Variants in IGSF3 observed in about 807,000 individuals in gnomAD.
IGSF3 encodes the protein immunoglobulin superfamily member 3.
A neutral mutation model predicts 114.4 loss-of-function variants in IGSF3; 23 were observed. That is an observed-to-expected ratio of 0.20 (90% CI 0.14 to 0.28). IGSF3 has a LOEUF of 0.28. Ranked by LOEUF, IGSF3 falls within the 10% of genes least tolerant of loss-of-function variation. IGSF3 has a pLI of 1.00. For synonymous variants in IGSF3, 571 were observed against 645.2 expected (o/e 0.88, Z 1.74); for missense variants, 1,172 against 1,591.5 (o/e 0.74, Z 4.48).
chr1:116,656,876 C>A (rs1215708990), intron 2 of IGSF3, among the ~76,000 whole-genome samples: 1 of 152,056 alleles, frequency 6.6e-6, no homozygotes, highest in Non-Finnish European at 1.5e-5. Flanking sequence ...TGCAGTGAGC[C>A]AAGATTGTGC....
intron 2 of IGSF3, among the ~76,000 whole-genome samples, chr1:116,622,522 G>A (rs1335332919): frequency 1.3e-5 from 2 of 151,476 alleles, no homozygotes; most frequent in African/African-American, 4.8e-5. Context: ...TGATGATACT[G>A]GGCTGAATCG....
rs1442076555 is a variant in IGSF3 at position 116,585,660 on chromosome 1, G to A, written c.2441-608C>T. ...AAGACTGCCAGACAAGGTGGCTCAC[G>A]CCTGTAATCCCAGCACTTTGGGACG... On this transcript the variant is annotated intron_variant, in intron 8 of 10. Transcript: ENST00000369486. The surrounding 1 kb of genome is among the most constrained non-coding windows in gnomAD (Gnocchi z 4.9). Among the ~76,000 whole-genome samples, 1 of 152,180 alleles carries A rather than the reference G, an allele frequency of 6.6e-6. No homozygotes were observed. The highest frequency in any genetic ancestry group is 1.5e-5 in the Non-Finnish European group (1 of 68,038).
intron 2 of IGSF3, among the ~76,000 whole-genome samples, chr1:116,643,649 G>A (rs973797633): frequency 2.6e-5 from 4 of 152,252 alleles, no homozygotes; most frequent in Non-Finnish European, 5.9e-5. Context: ...AGGGCAGGTG[G>A]CTTCCTGGGT....
chr1:116,598,876 G>A lies in IGSF3; in HGVS notation c.2029+1065C>T, dbSNP rs565387059. Among the ~76,000 whole-genome samples the A allele has an allele frequency of 4.6e-5, 7 of 152,330 alleles. No homozygotes were observed. Among genetic ancestry groups the A allele is most frequent in the Admixed American group, 2.6e-4 (4 of 15,302 alleles). On this transcript the variant is annotated intron_variant, in intron 7 of 10. Coordinates refer to ENST00000369486, the MANE Select transcript of IGSF3 (RefSeq NM_001007237.3). The surrounding 1 kb of genome is among the most constrained non-coding windows in gnomAD (Gnocchi z 4.3). Reference sequence around the variant, plus strand: ...GCTGCATGTACTTAACTCCTCCCACGTGTCAGCTGAAGAGCCTGATGAAGG... The same window carrying A: ...GCTGCATGTACTTAACTCCTCCCACATGTCAGCTGAAGAGCCTGATGAAGG...
intron 4 of IGSF3, 100 bp downstream of exon 4, chr1:116,613,665 C>G: frequency 1.8e-6 from 2 of 1,135,224 alleles, no homozygotes; most frequent in Non-Finnish European, 2.6e-6. Flanking sequence ...ACCTGCTGTC[C>G]TGGTAGAGGT....
In IGSF3 at chr1:116,662,621, A is replaced by G. The variant is rs1045925986; in HGVS notation, c.43+3663T>C. Among the ~76,000 whole-genome samples the G allele has an allele frequency of 6.6e-6, 1 of 152,186 alleles. No individual in the cohort carries two copies. The highest frequency in any genetic ancestry group is 1.5e-5 in the Non-Finnish European group (1 of 68,032). On this transcript the variant is annotated intron_variant, in intron 2 of 10. Coordinates refer to ENST00000369486, the MANE Select transcript of IGSF3 (RefSeq NM_001007237.3). The surrounding 1 kb of genome is among the most constrained non-coding windows in gnomAD (Gnocchi z 4.3). The stretch of plus-strand genomic sequence containing the variant: ...ACCTGGAGGTAGCTCAATGATTCTC[A>G]CAGCTGAAAGGCATCCTAGTAGGCC...
intron 6 of IGSF3, among the ~76,000 whole-genome samples, chr1:116,602,448 T>C (rs1482288248): frequency 1.3e-5 from 2 of 151,914 alleles, no homozygotes; most frequent in East Asian, 3.9e-4. Context: ...GTGCTGAGTA[T>C]GGATACAGGA....
At chr1:116,643,428 C>T (rs1648199507) in intron 2 of IGSF3, among the ~76,000 whole-genome samples, 1 of 152,258 alleles carries the variant, frequency 6.6e-6, no homozygotes, top group South Asian at 2.1e-4. Flanking sequence ...TGACTCACTC[C>T]TCCGACAGTC....
intron 9 of IGSF3, among the ~76,000 whole-genome samples, chr1:116,580,871 A>G (rs1428393945): frequency 6.6e-6 from 1 of 152,256 alleles, no homozygotes; most frequent in African/African-American, 2.4e-5. Context: ...TGTGGCCACA[A>G]GGAACTGGCA....
chr1:116,638,342 TC>T lies in IGSF3; in HGVS notation c.44-21886del. On this transcript the variant is annotated intron_variant, in intron 2 of 10. Coordinates refer to ENST00000369486, the MANE Select transcript of IGSF3 (RefSeq NM_001007237.3). This position sits in a 1 kb window ranked among gnomAD's most constrained non-coding sequence, Gnocchi z 4.1. ...TCTTCAGCATATTTTAAAATTAGTCTCCTACTGCTACTCTTTTCCCTACTCT... is the reference window on the plus strand; with the variant it reads ...TCTTCAGCATATTTTAAAATTAGTCTCTACTGCTACTCTTTTCCCTACTCT... Among the ~76,000 whole-genome samples the T allele has an allele frequency of 6.6e-6, 1 of 152,364 alleles. No homozygotes were observed. The highest frequency in any genetic ancestry group is 6.5e-5 in the Admixed American group (1 of 15,302).
rs114373083 is a variant in IGSF3, at chr1:116,638,088, C to T, written c.44-21631G>A. Among the ~76,000 whole-genome samples, 356 of 152,294 alleles carry T rather than the reference C, an allele frequency of 2.3e-3. 2 individuals are homozygous for T. Among genetic ancestry groups the T allele is most frequent in the African/African-American group, 8.3e-3 (343 of 41,560 alleles). Reference sequence around the variant, plus strand: ...CTTTGATGCCAAATCCCATGCCATCCCACACATCTTAAAAATAAACCAAAA... The same window carrying T: ...CTTTGATGCCAAATCCCATGCCATCTCACACATCTTAAAAATAAACCAAAA... On this transcript the variant is annotated intron_variant, in intron 2 of 10. Transcript: ENST00000369486. The surrounding 1 kb of genome is among the most constrained non-coding windows in gnomAD (Gnocchi z 4.1).
In IGSF3 at chr1:116,614,243, C is replaced by T. The variant is rs1052998164; in HGVS notation, c.422-68G>A. On this transcript the variant is annotated intron_variant, in intron 3 of 10. Coordinates refer to ENST00000369486, the MANE Select transcript of IGSF3 (RefSeq NM_001007237.3). The surrounding 1 kb of genome is among the most constrained non-coding windows in gnomAD (Gnocchi z 4.5). ...AGAATCTGAGACTCCCAGGGCTAAG[C>T]TCCCATTCCACGCAGGCGTCACTGC... 1 of 1,362,058 alleles carries T rather than the reference C, an allele frequency of 7.3e-7. No individual in the cohort carries two copies. Among genetic ancestry groups the T allele is most frequent in the Non-Finnish European group, 1.0e-6 (1 of 966,130 alleles). 84.4% of individuals were successfully genotyped at this position (1,362,058 alleles called of 1,614,324 possible). A position where few individuals can be genotyped will look rare whatever the true frequency, so the allele number is the denominator to read the frequency against.
rs1659517201 is a variant in IGSF3 at position 116,579,690 on chromosome 1, T to C, written c.3036A>G (p.Glu1012=). ...CGTCCTCCTCCTCCTCCTCCTCCCT[T>C]TCCTCTTCCTGTTCTTCCAGGCCAG... ...SSPGLEEQEE[E]REEEEEEDDD... is the part of the protein sequence containing the mutation. The change falls in exon 10 of 11, where the codon GAA becomes GAG. Residue 1012 remains glutamate, a synonymous_variant. Transcript: ENST00000369486. The surrounding 1 kb of genome is among the most constrained non-coding windows in gnomAD (Gnocchi z 6.4). 2.1e-6 allele frequency: 3 copies of C among 1,409,854 alleles called. No homozygotes were observed. Among genetic ancestry groups the C allele is most frequent in the South Asian group, 1.1e-5 (1 of 87,264 alleles). The allele number at this position is 1,409,854 out of a possible 1,614,324, so 87.3% of individuals were successfully genotyped here. A position where few individuals can be genotyped will look rare whatever the true frequency, so the allele number is the denominator to read the frequency against.
At chr1:116,653,788 T>C (rs1648735387) in intron 2 of IGSF3, among the ~76,000 whole-genome samples, 1 of 152,208 alleles carries the variant, frequency 6.6e-6, no homozygotes, top group African/African-American at 2.4e-5. Context: ...TGTTGCTCCC[T>C]TCTAGAAGTG....
chr1:116,605,236 C>A lies in IGSF3; in HGVS notation c.1223-1211G>T, dbSNP rs538898587. On this transcript the variant is annotated intron_variant, in intron 5 of 10. Coordinates refer to ENST00000369486, the MANE Select transcript of IGSF3 (RefSeq NM_001007237.3). The surrounding 1 kb of genome is among the most constrained non-coding windows in gnomAD (Gnocchi z 5.1). ...AAATCCCAGATTTTAAGAGGCACAC[C>A]CAATTACCAAGAGAAAACACACACA... 6.6e-6 allele frequency among the ~76,000 whole-genome samples: 1 copy of A among 151,692 alleles called. No homozygotes were observed. The highest frequency in any genetic ancestry group is 1.9e-4 in the East Asian group (1 of 5,156).
In IGSF3 at chr1:116,638,694, A is replaced by T. The variant is rs530618261; in HGVS notation, c.44-22237T>A. ...AACAAGATGGAAAAGAAAAGAGAAG[A>T]GGAAGAGAGAAAAAGAGAAAGGGAA... On this transcript the variant is annotated intron_variant, in intron 2 of 10. Transcript: ENST00000369486. The surrounding 1 kb of genome is among the most constrained non-coding windows in gnomAD (Gnocchi z 4.1). Among the ~76,000 whole-genome samples, 1 of 152,348 alleles carries T rather than the reference A, an allele frequency of 6.6e-6. No individual in the cohort carries two copies. The highest frequency in any genetic ancestry group is 2.4e-5 in the African/African-American group (1 of 41,580).
rs1402101876 is a variant in IGSF3, at chr1:116,644,016, A to T, written c.43+22268T>A. ...GCTCCCAGCACGCATGCTGCAAGAT[A>T]AACTTCAGTGCTCAGCCCTCTCACT... On this transcript the variant is annotated intron_variant, in intron 2 of 10. Transcript: ENST00000369486. This position sits in a 1 kb window ranked among gnomAD's most constrained non-coding sequence, Gnocchi z 5.6. 1.3e-5 allele frequency among the ~76,000 whole-genome samples: 2 copies of T among 152,198 alleles called. No individual in the cohort carries two copies. The highest frequency in any genetic ancestry group is 2.9e-5 in the Non-Finnish European group (2 of 68,032).
chr1:116,599,696 A>C lies in IGSF3; in HGVS notation c.2029+245T>G, dbSNP rs183583168. The stretch of plus-strand genomic sequence containing the variant: ...CACAGCTTTCCCTCCAATGGCTCAA[A>C]AACAACAACAAACATACACACAGAG... On this transcript the variant is annotated intron_variant, in intron 7 of 10. Coordinates refer to ENST00000369486, the MANE Select transcript of IGSF3 (RefSeq NM_001007237.3). Among the ~76,000 whole-genome samples, 15 of 152,308 alleles carry C rather than the reference A, an allele frequency of 9.8e-5. No homozygotes were observed. The South Asian group carries it at 2.1e-3, about 21-fold the overall frequency.
intron 2 of IGSF3, among the ~76,000 whole-genome samples, chr1:116,626,082 A>C (rs1276827867): frequency 6.6e-6 from 1 of 152,220 alleles, no homozygotes; most frequent in African/African-American, 2.4e-5. Context: ...TAACTCAAAA[A>C]TATTTTAAAC....
Sources: allele counts gnomAD v4.1 joint callset (sites outside exome capture counted in the v4.1 genomes callset), GRCh38; gene constraint gnomAD v4.1.1; non-coding constraint Gnocchi (gnomAD v3.1); transcripts MANE v1.5; gene names NCBI Gene and HGNC (gene_info 2026-07-23, HGNC 2026-07-21).